The following TNRC18 variants were observed in gnomAD, a reference collection of about 807,000 sequenced individuals.
TNRC18 encodes the protein trinucleotide repeat-containing gene 18 protein.
TNRC18 carries 69 observed loss-of-function variants against 226.7 expected under a neutral mutation model. That is an observed-to-expected ratio of 0.30 (90% CI 0.25 to 0.37). The LOEUF (loss-of-function observed/expected upper bound fraction) is 0.37, where lower values mean the gene tolerates loss of function less well. Among genes scored for constraint, TNRC18 ranks in the 10% least tolerant of loss-of-function variants. TNRC18 has a pLI of 1.00. For missense variants in TNRC18, 4,754 were observed against 4,256.6 expected (o/e 1.12, Z -3.25); for synonymous variants, 2,449 against 1,927.6 (o/e 1.27, Z -7.09).
In TNRC18 at chr7:5,368,778, G is replaced by A. The variant is rs538448627; in HGVS notation, c.4219+1597C>T. Among the ~76,000 whole-genome samples, 3 of 152,250 alleles carry A rather than the reference G, an allele frequency of 2.0e-5. No individual in the cohort carries two copies. The East Asian group carries it at 5.8e-4, about 29-fold the overall frequency. The stretch of plus-strand genomic sequence containing the variant: ...TAAATATGTGTATGTGTGTTCTAGA[G>A]GAAATATACTAAAACACTGGCAGGG... On this transcript the variant is annotated intron_variant, in intron 11 of 29. Coordinates refer to ENST00000430969, the MANE Select transcript of TNRC18 (RefSeq NM_001080495.3).
chr7:5,352,207 G>T, intron 16 of TNRC18, 113 bp from the exon 17 acceptor site: 1 of 1,141,798 alleles, frequency 8.8e-7, no homozygotes, highest in East Asian at 2.6e-5. Flanking sequence ...GAACAAACAG[G>T]TCCGAATACC....
At chr7:5,362,117 G>C in intron 12 of TNRC18, 84 bp from the exon 13 acceptor site, 2 of 1,522,178 alleles carry the variant, frequency 1.3e-6, no homozygotes, top group Non-Finnish European at 1.8e-6. Flanking sequence ...GTGCCCCTGA[G>C]GAAGGGGAGA....
At position 5,345,841 on chromosome 7, in the gene TNRC18, AGCCTTG is replaced by A. The variant is rs1248817272; in HGVS notation, c.5471-37_5471-32del. On this transcript the variant is annotated intron_variant, in intron 17 of 29. Transcript: ENST00000430969. Reference sequence around the variant, plus strand: ...GTGCAGAAAACAGGGACCGAGTCAGAGCCTTGGCCTTGGCGAGGGCCACCCCCCACC... The same window carrying A: ...GTGCAGAAAACAGGGACCGAGTCAGAGCCTTGGCGAGGGCCACCCCCCACC... 8 of 1,525,340 alleles carry A rather than the reference AGCCTTG, an allele frequency of 5.2e-6. No homozygotes were observed. The Admixed American group carries it at 8.0e-5, about 15-fold the overall frequency. The allele number at this position is 1,525,340 out of a possible 1,614,324, so 94.5% of individuals were successfully genotyped here.
intron 10 of TNRC18, among the ~76,000 whole-genome samples, 170 bp downstream of exon 10, chr7:5,373,885 A>C (rs183786859): frequency 3.5e-4 from 53 of 151,964 alleles, no homozygotes; most frequent in Non-Finnish European, 5.2e-4. Context: ...GCTGGATTTG[A>C]CTGTGAGCTC....
rs1349272089 is a variant in TNRC18, at chr7:5,314,891, C to A, written c.7027+93G>T. ...CCCGGCTCAGAGTTCTTACAGACAG[C>A]AGGCAGGCACTTCGGCAGGTTCCCA... is the stretch of plus-strand genomic sequence containing the variant. On this transcript the variant is annotated intron_variant, in intron 26 of 29. Coordinates refer to ENST00000430969, the MANE Select transcript of TNRC18 (RefSeq NM_001080495.3). 3 of 1,356,496 alleles carry A rather than the reference C, an allele frequency of 2.2e-6. No homozygotes were observed. In the African/African-American group the frequency reaches 4.4e-5, roughly 20 times the overall value. The allele number at this position is 1,356,496 out of a possible 1,614,324, so 84.0% of individuals were successfully genotyped here. A position where few individuals can be genotyped will look rare whatever the true frequency, so the allele number is the denominator to read the frequency against.
At chr7:5,311,479 C>T (rs1412778006) in intron 27 of TNRC18, among the ~76,000 whole-genome samples, 1 of 152,224 alleles carries the variant, frequency 6.6e-6, no homozygotes, top group Non-Finnish European at 1.5e-5. Flanking sequence ...GGGACTGCCA[C>T]ACTAGTGGCC....
At position 5,388,929 on chromosome 7, in the gene TNRC18, C is replaced by A; in HGVS notation, c.895G>T (p.Glu299Ter). Residue 299 changes from glutamate (E) to a stop codon, truncating the protein, a stop_gained, in exon 5 of 30, where the codon GAA (glutamate) becomes TAA (stop). Coordinates refer to ENST00000430969, the MANE Select transcript of TNRC18 (RefSeq NM_001080495.3). LOFTEE classifies it high-confidence loss of function. ...GDVGLPALVA[E>*]AGRGGAKEAA... The stretch of plus-strand genomic sequence containing the variant: ...TCCTTGGCACCCCCGCGCCCCGCTT[C>A]GGCCACCAGCGCGGGCAGCCCCACG... 1 of 1,377,520 alleles carries A rather than the reference C, an allele frequency of 7.3e-7. No individual in the cohort carries two copies. 85.3% of individuals were successfully genotyped at this position (1,377,520 alleles called of 1,614,324 possible).
chr7:5,332,842 C>G lies in TNRC18; in HGVS notation c.5927G>C (p.Gly1976Ala). 1 of 1,509,554 alleles carries G rather than the reference C, an allele frequency of 6.6e-7. No individual in the cohort carries two copies. The highest frequency in any genetic ancestry group is 8.8e-7 in the Non-Finnish European group (1 of 1,138,196). The allele number at this position is 1,509,554 out of a possible 1,614,324, so 93.5% of individuals were successfully genotyped here. A position where few individuals can be genotyped will look rare whatever the true frequency, so the allele number is the denominator to read the frequency against. Reference protein sequence around the residue: ...EKGRKARKLRGPKEPGFEAGP... With the variant: ...EKGRKARKLRAPKEPGFEAGP... The stretch of plus-strand genomic sequence containing the variant: ...CGCCTCGAAGCCAGGCTCCTTGGGG[C>G]CCCGCAGCTTCCGGGCCTTGCGCCC... The change falls in exon 19 of 30, where the codon GGC becomes GCC. Residue 1976 changes from glycine (G) to alanine (A), a missense_variant. Gly to Ala is a moderately conservative substitution (Grantham distance 60). Transcript: ENST00000430969.
rs773309449 is a variant in TNRC18, at chr7:5,387,672, C to T, written c.2152G>A (p.Gly718Arg). ...ERSLSLSNVKGHGRADEDCVD... is the reference protein window; with the variant it reads ...ERSLSLSNVKRHGRADEDCVD... Reference sequence around the variant, plus strand: ...CACCTGGGCTCTGCCCAGGACCTACCTTTGACGTTACTCAGCGACAGAGAG... The same window carrying T: ...CACCTGGGCTCTGCCCAGGACCTACTTTTGACGTTACTCAGCGACAGAGAG... The change falls in exon 5 of 30, where the codon GGG becomes AGG. Residue 718 changes from glycine (G) to arginine (R), a missense_variant and splice_region_variant. Coordinates refer to ENST00000430969, the MANE Select transcript of TNRC18 (RefSeq NM_001080495.3). The T allele has an allele frequency of 1.2e-6, 2 of 1,603,496 alleles. No homozygotes were observed. Among genetic ancestry groups the T allele is most frequent in the East Asian group, 2.2e-5 (1 of 44,888 alleles).
chr7:5,370,345 C>A, intron 11 of TNRC18, 30 bp downstream of exon 11: 1 of 1,521,584 alleles, frequency 6.6e-7, no homozygotes. Flanking sequence ...ACTCACGAAT[C>A]TGCAGAACTC....
At chr7:5,314,784 A>G (rs1423595305) in intron 26 of TNRC18, among the ~76,000 whole-genome samples, 200 bp downstream of exon 26, 2 of 151,590 alleles carry the variant, frequency 1.3e-5, no homozygotes, top group Non-Finnish European at 2.9e-5. Flanking sequence ...CATTGGCCAG[A>G]CTGGTCTTGA....
rs1389617588 is a variant in TNRC18, at chr7:5,319,626, A to C, written c.6745+692T>G. Reference sequence around the variant, plus strand: ...CAGGTTTGAGTGATTCTCCTGCCTCAGCCTCCCAAGTAGCTGGGATTACAG... The same window carrying C: ...CAGGTTTGAGTGATTCTCCTGCCTCCGCCTCCCAAGTAGCTGGGATTACAG... On this transcript the variant is annotated intron_variant, in intron 24 of 29. Transcript: ENST00000430969. 4.6e-5 allele frequency among the ~76,000 whole-genome samples: 7 copies of C among 152,252 alleles called. No homozygotes were observed. In the East Asian group the frequency reaches 1.4e-3, roughly 29 times the overall value.
At chr7:5,420,500 G>C (rs982275614) in intron 2 of TNRC18, 8 of 448,514 alleles carry the variant, frequency 1.8e-5, no homozygotes, top group Non-Finnish European at 3.6e-5. Context: ...CATCCCGCCC[G>C]CCCCGAGGCC....
intron 17 of TNRC18, among the ~76,000 whole-genome samples, chr7:5,350,934 G>A (rs1791736486): frequency 1.3e-5 from 2 of 152,154 alleles, no homozygotes; most frequent in Admixed American, 6.5e-5. Flanking sequence ...CACTGCCTAC[G>A]CACCCTTCAA....
At position 5,374,233 on chromosome 7, in the gene TNRC18, C is replaced by G; in HGVS notation, c.3051G>C (p.Lys1017Asn). Residue 1017 changes from lysine to asparagine, a missense_variant, in exon 10 of 30, where the codon AAG (lysine) becomes AAC (asparagine). By Grantham distance (94) the Lys-to-Asn change is moderately conservative. Transcript: ENST00000430969. ...KVIQKLEDVS[K>N]PPAYAYPATP... ...TGGCGGGGTAGGCGTAGGCGGGTGG[C>G]TTGGACACGTCCTCCAGCTTCTGGA... 6 of 1,498,312 alleles carry G rather than the reference C, an allele frequency of 4.0e-6. No individual in the cohort carries two copies. The highest frequency in any genetic ancestry group is 5.3e-6 in the Non-Finnish European group (6 of 1,123,132). The allele number at this position is 1,498,312 out of a possible 1,614,324, so 92.8% of individuals were successfully genotyped here.
At chr7:5,358,698 C>T (rs200848965) in intron 15 of TNRC18, among the ~76,000 whole-genome samples, 1 of 152,290 alleles carries the variant, frequency 6.6e-6, no homozygotes, top group East Asian at 1.9e-4. Context: ...CCTGTAATCC[C>T]AGCTACTTGG....
rs532015977 is a variant in TNRC18 at position 5,374,769 on chromosome 7, C to T, written c.2800-285G>A. On this transcript the variant is annotated intron_variant, in intron 9 of 29. Transcript: ENST00000430969. ...CTGATGGGGGACCTCCACCAGGACCCCGGCCCTGCACGGACCCTCACAGTC... is the reference window on the plus strand; with the variant it reads ...CTGATGGGGGACCTCCACCAGGACCTCGGCCCTGCACGGACCCTCACAGTC... Among the ~76,000 whole-genome samples, 25 of 152,346 alleles carry T rather than the reference C, an allele frequency of 1.6e-4. No individual in the cohort carries two copies. The South Asian group carries it at 1.7e-3, about 10-fold the overall frequency.
At chr7:5,340,050 G>C (rs982920542) in intron 18 of TNRC18, among the ~76,000 whole-genome samples, 5 of 152,152 alleles carry the variant, frequency 3.3e-5, no homozygotes, top group Admixed American at 1.3e-4. Context: ...GTGAATTGAA[G>C]AGTCACATGT....
At chr7:5,382,870 C>T (rs980939074) in intron 5 of TNRC18, among the ~76,000 whole-genome samples, 7 of 152,102 alleles carry the variant, frequency 4.6e-5, no homozygotes, top group African/African-American at 1.2e-4. Context: ...TCTGTTCATA[C>T]GGGCTGCTGG....
Sources: allele counts gnomAD v4.1 joint callset (sites outside exome capture counted in the v4.1 genomes callset), GRCh38; gene constraint gnomAD v4.1.1; transcripts MANE v1.5; gene names NCBI Gene and HGNC (gene_info 2026-07-23, HGNC 2026-07-21).